SLC41A3: variants seen among roughly 807,000 people sequenced by gnomAD.
SLC41A3 encodes the protein SLC41A1-like 2.
In SLC41A3, 44 loss-of-function variants were observed where a neutral mutation model predicts 45.4. The observed-to-expected ratio is 0.97, with a 90% CI of 0.76 to 1.25. SLC41A3 has a LOEUF of 1.25. Among genes scored for constraint, SLC41A3 ranks in the 50% most tolerant of loss-of-function variants. The pLI is 0.00. For missense variants in SLC41A3, 550 were observed against 600.6 expected, an observed-to-expected ratio of 0.92 and a Z score of 0.88; for synonymous variants, 256 against 252.4, an observed-to-expected ratio of 1.01 and a Z score of -0.13.
At chr3:126,016,659 G>A in intron 7 of SLC41A3, 72 bp downstream of exon 7, 1 of 1,534,758 alleles carries the variant, frequency 6.5e-7, no homozygotes, top group Non-Finnish European at 8.7e-7. Flanking sequence ...AAGGCAGTGA[G>A]TGTCACCCTG....
intron 4 of SLC41A3, among the ~76,000 whole-genome samples, chr3:126,032,976 C>T (rs1023489816): frequency 6.6e-5 from 10 of 152,158 alleles, no homozygotes; most frequent in Admixed American, 2.6e-4. Flanking sequence ...CCAATCTTTT[C>T]CTCATCTCCC....
chr3:126,032,431 TTACTGGGAAGGACCATCCACAA>T (rs1941867308), intron 4 of SLC41A3, among the ~76,000 whole-genome samples: 1 of 152,262 alleles, frequency 6.6e-6, no homozygotes, highest in South Asian at 2.1e-4. Context: ...TCTGGTGTGG[TTACTGGGAAGGACCATCCACAA>T]GGCACAGCTG....
chr3:126,054,743 C>T (rs570709350), intron 2 of SLC41A3, among the ~76,000 whole-genome samples: 22 of 152,152 alleles, frequency 1.4e-4, no homozygotes, highest in African/African-American at 4.8e-4. Context: ...TCTTCCTTCA[C>T]AGGCAAACAC....
chr3:126,061,038 C>T (rs1461618231), intron 2 of SLC41A3, among the ~76,000 whole-genome samples: 1 of 152,174 alleles, frequency 6.6e-6, no homozygotes, highest in African/African-American at 2.4e-5. Context: ...AGGGGAGGGT[C>T]CACAGAGTGT....
upstream of SLC41A3, among the ~76,000 whole-genome samples, chr3:126,085,933 T>C (rs1945377212): frequency 6.6e-6 from 1 of 152,088 alleles, no homozygotes; most frequent in Non-Finnish European, 1.5e-5. Flanking sequence ...TGATCACCCA[T>C]CATTTTGAGC....
At chr3:126,031,851 C>A (rs537298639) in intron 4 of SLC41A3, among the ~76,000 whole-genome samples, 2 of 152,352 alleles carry the variant, frequency 1.3e-5, no homozygotes, top group African/African-American at 4.8e-5. Context: ...GCATCCCCAG[C>A]ATCTCATTCA....
intron 2 of SLC41A3, among the ~76,000 whole-genome samples, chr3:126,059,074 G>A (rs1943851945): frequency 6.6e-6 from 1 of 151,246 alleles, no homozygotes; most frequent in South Asian, 2.1e-4. Flanking sequence ...CACCCCTCCT[G>A]AGAACAGAGC....
intron 3 of SLC41A3, among the ~76,000 whole-genome samples, chr3:126,047,139 A>G (rs1228180585): frequency 6.6e-6 from 1 of 152,090 alleles, no homozygotes; most frequent in Non-Finnish European, 1.5e-5. Context: ...AAAATGGGCA[A>G]ATAGCTTGAG....
In SLC41A3 at chr3:126,060,008, C is replaced by T. The variant is rs369732477; in HGVS notation, c.273+7939G>A. Among the ~76,000 whole-genome samples the T allele has an allele frequency of 2.6e-5, 4 of 152,214 alleles. No individual in the cohort carries two copies. In the South Asian group the frequency reaches 8.3e-4, roughly 32 times the overall value. ...CATACACAGTGAATCCTGGAACCAC[C>T]CTCATCAGCACAGGAGACGCAGAAA... On this transcript the variant is annotated intron_variant, in intron 2 of 10. Transcript: ENST00000360370.
chr3:126,040,247 G>C (rs1295675816), intron 3 of SLC41A3, among the ~76,000 whole-genome samples: 1 of 152,156 alleles, frequency 6.6e-6, no homozygotes, highest in Non-Finnish European at 1.5e-5. Flanking sequence ...CAATGAACTT[G>C]AGTTCATGCT....
intron 1 of SLC41A3, among the ~76,000 whole-genome samples, chr3:126,092,096 G>C (rs1234201306): frequency 6.6e-6 from 1 of 152,212 alleles, no homozygotes; most frequent in Non-Finnish European, 1.5e-5. Flanking sequence ...TACTGGTCCT[G>C]CTGGGAACAG....
At chr3:126,095,736 C>G (rs1945586945) in intron 1 of SLC41A3, among the ~76,000 whole-genome samples, 1 of 152,200 alleles carries the variant, frequency 6.6e-6, no homozygotes, top group Non-Finnish European at 1.5e-5. Context: ...CATTGCAGAA[C>G]AGGCAGAGGT....
intron 8 of SLC41A3, among the ~76,000 whole-genome samples, chr3:126,014,663 T>C (rs1940085165): frequency 6.6e-6 from 1 of 152,186 alleles, no homozygotes. Context: ...CATGGTCCCC[T>C]AAGGGAGCAA....
In SLC41A3 at chr3:126,026,354, G is replaced by A. The variant is rs1329225190; in HGVS notation, c.579C>T (p.Phe193=). ...LLCASSVLTA[F]LAAFALGVLM... ...GCTCACCCAGGGCAAAGGCTGCAAG[G>A]AAGGCAGTGAGGACACTGCTGGCAC... Residue 193 remains phenylalanine (F), a synonymous_variant, in exon 5 of 11, where the codon TTC becomes TTT. Transcript: ENST00000360370. This position sits in a 1 kb window ranked among gnomAD's most constrained non-coding sequence, Gnocchi z 4.2. The A allele has an allele frequency of 6.4e-7, 1 of 1,568,036 alleles. No homozygotes were observed. Among genetic ancestry groups the A allele is most frequent in the Non-Finnish European group, 8.7e-7 (1 of 1,155,390 alleles).
intron 1 of SLC41A3, among the ~76,000 whole-genome samples, chr3:126,100,983 A>G (rs1485730645): frequency 2.0e-5 from 3 of 152,254 alleles, no homozygotes; most frequent in Admixed American, 2.0e-4. Flanking sequence ...ACAAAAGCTT[A>G]TAAAAGCTTA....
chr3:126,031,991 G>A (rs747766180), intron 4 of SLC41A3, among the ~76,000 whole-genome samples: 3 of 152,218 alleles, frequency 2.0e-5, no homozygotes, highest in Non-Finnish European at 4.4e-5. Context: ...CACCAAAGAC[G>A]TAAAAGGCAG....
intron 2 of SLC41A3, among the ~76,000 whole-genome samples, chr3:126,055,492 C>T (rs895428492): frequency 2.0e-5 from 3 of 152,112 alleles, no homozygotes; most frequent in South Asian, 2.1e-4. Flanking sequence ...CCAGCCTGGG[C>T]GACAGGGCAA....
At position 126,032,720 on chromosome 3, in the gene SLC41A3, G is replaced by A. The variant is rs551235816; in HGVS notation, c.453+887C>T. On this transcript the variant is annotated intron_variant, in intron 4 of 10. Coordinates refer to ENST00000360370, the MANE Select transcript of SLC41A3 (RefSeq NM_017836.4). Reference sequence around the variant, plus strand: ...TGGGACAGGCAGATGGAGATGCCCCGTACAGTTAGATGTACTGGTTCTGGA... The same window carrying A: ...TGGGACAGGCAGATGGAGATGCCCCATACAGTTAGATGTACTGGTTCTGGA... Among the ~76,000 whole-genome samples, 10 of 152,302 alleles carry A rather than the reference G, an allele frequency of 6.6e-5. No homozygotes were observed. The South Asian group carries it at 1.2e-3, about 19-fold the overall frequency.
intron 3 of SLC41A3, among the ~76,000 whole-genome samples, chr3:126,046,356 T>TACACACAC (rs66615933): frequency 3.5e-4 from 53 of 150,544 alleles, no homozygotes; most frequent in African/African-American, 1.0e-3. Context: ...CTCTAAAGAT[T>TACACACAC]ACACACACAC....
Sources: allele counts gnomAD v4.1 joint callset (sites outside exome capture counted in the v4.1 genomes callset), GRCh38; gene constraint gnomAD v4.1.1; non-coding constraint Gnocchi (gnomAD v3.1); transcripts MANE v1.5; gene names NCBI Gene and HGNC (gene_info 2026-07-23, HGNC 2026-07-21).